VWA8: variants seen among roughly 807,000 people sequenced by gnomAD.
VWA8 encodes the protein von Willebrand factor A domain-containing protein 8.
A neutral mutation model predicts 241.5 loss-of-function variants in VWA8; 221 were observed. That is an observed-to-expected ratio of 0.91 (90% CI 0.82 to 1.02). VWA8 has a LOEUF of 1.02. Among genes scored for constraint, VWA8 ranks in the 50% least tolerant of loss-of-function variants. The probability of loss-of-function intolerance (pLI) is 0.00; values close to 1 mark genes in which losing one functional copy is unlikely to be tolerated. For synonymous variants in VWA8, 852 were observed against 827.1 expected (o/e 1.03, Z -0.52); for missense variants, 2,322 against 2,328.7 (o/e 1.00, Z 0.06).
At chr13:41,816,451 C>T (rs1870696684) in intron 16 of VWA8, among the ~76,000 whole-genome samples, 1 of 152,080 alleles carries the variant, frequency 6.6e-6, no homozygotes, top group African/African-American at 2.4e-5. Flanking sequence ...AGAGCAGAAC[C>T]CCCATGAACA....
intron 21 of VWA8, among the ~76,000 whole-genome samples, chr13:41,756,476 T>C (rs988779034): frequency 6.6e-6 from 1 of 151,758 alleles, no homozygotes; most frequent in Non-Finnish European, 1.5e-5. Flanking sequence ...GAAACTCTCA[T>C]GTAAAATGAC....
chr13:41,893,579 C>T (rs1874954526), intron 4 of VWA8, among the ~76,000 whole-genome samples: 1 of 151,894 alleles, frequency 6.6e-6, no homozygotes, highest in South Asian at 2.1e-4. Context: ...GAAATAGATT[C>T]TGGGATATTA....
At chr13:41,731,217 G>A (rs1211082279) in intron 22 of VWA8, among the ~76,000 whole-genome samples, 2 of 151,916 alleles carry the variant, frequency 1.3e-5, no homozygotes, top group African/African-American at 4.8e-5. Context: ...GACCACAGAG[G>A]TTCACATGAT....
chr13:41,928,257 C>T (rs373086935), intron 2 of VWA8, among the ~76,000 whole-genome samples: 474 of 152,232 alleles, frequency 3.1e-3, no homozygotes, highest in African/African-American at 9.8e-3. Flanking sequence ...ATAAGCCTAA[C>T]AGACATATTT....
chr13:41,744,154 T>G (rs2045587436), intron 21 of VWA8, among the ~76,000 whole-genome samples: 2 of 152,212 alleles, frequency 1.3e-5, no homozygotes, highest in South Asian at 4.1e-4. Flanking sequence ...GAACTCCCTG[T>G]GAAGAGGCTG....
chr13:41,685,593 G>A (rs2045131118), intron 34 of VWA8, among the ~76,000 whole-genome samples: 1 of 152,112 alleles, frequency 6.6e-6, no homozygotes, highest in African/African-American at 2.4e-5. Flanking sequence ...AAAGTCATTT[G>A]GATGTGGTAC....
chr13:41,760,320 T>C (rs1354927891), intron 21 of VWA8, among the ~76,000 whole-genome samples: 1 of 151,852 alleles, frequency 6.6e-6, no homozygotes, highest in African/African-American at 2.4e-5. Context: ...CTTTCCTCTT[T>C]CTCCTTTGAC....
At position 41,778,014 on chromosome 13, in the gene VWA8, C is replaced by T. The variant is rs1868690190; in HGVS notation, c.2320G>A (p.Gly774Arg). 1 of 1,611,718 alleles carries T rather than the reference C, an allele frequency of 6.2e-7. No individual in the cohort carries two copies. Among genetic ancestry groups the T allele is most frequent in the African/African-American group, 1.3e-5 (1 of 74,758 alleles). The change falls in exon 20 of 45, where the codon GGA (glycine) becomes AGA (arginine). Residue 774 changes from glycine (G) to arginine (R), a missense_variant. Gly to Arg is a moderately radical substitution (Grantham distance 125). Transcript: ENST00000379310. ...MEDMLKDFLL[G>R]EHLLLVGNQG... ...TTGCCAACCAATAATAAGTGTTCTC[C>T]AAGGAGAAAGTCTTTCAGCATATCT...
chr13:41,945,014 A>G (rs1398583428), intron 2 of VWA8, among the ~76,000 whole-genome samples: 2 of 152,168 alleles, frequency 1.3e-5, no homozygotes, highest in Non-Finnish European at 2.9e-5. Context: ...ATTCAGGAAA[A>G]TCCTGAGAAG....
chr13:41,889,398 C>T (rs1484945545), intron 5 of VWA8, among the ~76,000 whole-genome samples: 4 of 148,966 alleles, frequency 2.7e-5, no homozygotes, highest in South Asian at 2.1e-4. Context: ...TTTTTTTTTC[C>T]GACAGAGTCT....
chr13:41,704,893 T>C (rs917677742), intron 26 of VWA8, among the ~76,000 whole-genome samples: 1 of 152,206 alleles, frequency 6.6e-6, no homozygotes, highest in Non-Finnish European at 1.5e-5. Flanking sequence ...TGGCTACAAA[T>C]TGAAATGTAT....
intron 5 of VWA8, among the ~76,000 whole-genome samples, chr13:41,888,218 A>G (rs530359710): frequency 2.6e-5 from 4 of 152,270 alleles, no homozygotes; most frequent in Admixed American, 1.3e-4. Context: ...TCTCTGCCTA[A>G]CTCTTATCAA....
At chr13:41,914,134 A>G (rs146140034) in intron 2 of VWA8, among the ~76,000 whole-genome samples, 4 of 152,350 alleles carry the variant, frequency 2.6e-5, no homozygotes, top group African/African-American at 9.6e-5. Flanking sequence ...CAGAGGTTGC[A>G]GTGAGCTAAG....
intron 4 of VWA8, among the ~76,000 whole-genome samples, chr13:41,906,516 C>T (rs548235265): frequency 6.6e-6 from 1 of 152,212 alleles, no homozygotes; most frequent in Non-Finnish European, 1.5e-5. Flanking sequence ...TCTTTCCTAT[C>T]AGTACGTACA....
At chr13:41,695,719 A>C (rs569559764) in intron 29 of VWA8, among the ~76,000 whole-genome samples, 1 of 152,302 alleles carries the variant, frequency 6.6e-6, no homozygotes, top group South Asian at 2.1e-4. Context: ...GGAAAACTTG[A>C]AACTGTGGCC....
chr13:41,842,194 T>C (rs149390121), intron 12 of VWA8, among the ~76,000 whole-genome samples: 2 of 152,200 alleles, frequency 1.3e-5, no homozygotes, highest in African/African-American at 4.8e-5. Flanking sequence ...GGTCCTGAAA[T>C]AGAAATGAAG....
intron 14 of VWA8, among the ~76,000 whole-genome samples, chr13:41,830,278 C>T (rs886315012): frequency 2.9e-5 from 4 of 137,264 alleles, no homozygotes; most frequent in Non-Finnish European, 4.7e-5. Flanking sequence ...ATATTAACAA[C>T]AAAAAAGCAA....
chr13:41,582,956 T>C (rs1433011294), intron 42 of VWA8, among the ~76,000 whole-genome samples: 1 of 152,150 alleles, frequency 6.6e-6, no homozygotes, highest in Non-Finnish European at 1.5e-5. Context: ...CAAACATTTA[T>C]AGTCAGCCCT....
intron 4 of VWA8, among the ~76,000 whole-genome samples, chr13:41,906,603 ACT>A (rs774576345): frequency 2.0e-5 from 3 of 151,988 alleles, no homozygotes; most frequent in Non-Finnish European, 2.9e-5. Context: ...AGTATACATC[ACT>A]CTGTTCATTC....
Sources: allele counts gnomAD v4.1 joint callset (sites outside exome capture counted in the v4.1 genomes callset), GRCh38; gene constraint gnomAD v4.1.1; transcripts MANE v1.5; gene names NCBI Gene and HGNC (gene_info 2026-07-23, HGNC 2026-07-21).